Variants in KCNMA1 observed in about 807,000 individuals in gnomAD.
KCNMA1 encodes the protein potassium calcium-activated channel subfamily M alpha 1.
KCNMA1 carries 29 observed loss-of-function variants against 140.0 expected under a neutral mutation model. The observed-to-expected ratio is 0.21, with a 90% CI of 0.15 to 0.28. The LOEUF is 0.28. KCNMA1 is among the 10% of genes least tolerant of loss of function. KCNMA1 has a pLI of 1.00. For synonymous variants in KCNMA1, 612 were observed against 611.9 expected, an observed-to-expected ratio of 1.00 and a Z score of 0.00; for missense variants, 880 against 1,602.2, an observed-to-expected ratio of 0.55 and a Z score of 7.70.
At chr10:77,236,971 T>C (rs112144825) in intron 3 of KCNMA1, among the ~76,000 whole-genome samples, 9 of 152,198 alleles carry the variant, frequency 5.9e-5, no homozygotes, top group African/African-American at 1.9e-4. Flanking sequence ...ATGCTTGTTT[T>C]TCCTTTCACA....
At chr10:77,515,169 C>T (rs1008491866) in intron 1 of KCNMA1, among the ~76,000 whole-genome samples, 1 of 152,052 alleles carries the variant, frequency 6.6e-6, no homozygotes, top group Non-Finnish European at 1.5e-5. Context: ...CAGGAGCCAG[C>T]CTGTTACGGT....
chr10:76,908,113 A>C (rs375848307), intron 25 of KCNMA1, among the ~76,000 whole-genome samples: 10 of 152,334 alleles, frequency 6.6e-5, no homozygotes, highest in East Asian at 5.8e-4. Context: ...CTAAAATAAA[A>C]ATTTCTAATG....
chr10:77,164,532 T>TC, intron 5 of KCNMA1, among the ~76,000 whole-genome samples: 1 of 152,168 alleles, frequency 6.6e-6, no homozygotes, highest in South Asian at 2.1e-4. Flanking sequence ...CTTTTTTTTT[T>TC]TTGGAATCCT....
intron 3 of KCNMA1, among the ~76,000 whole-genome samples, chr10:77,192,030 T>G (rs2098942601): frequency 1.3e-5 from 2 of 152,136 alleles, no homozygotes; most frequent in Non-Finnish European, 2.9e-5. Context: ...CTAACAACTC[T>G]TTAGCATCCA....
chr10:77,193,131 CAT>C (rs1338114675), intron 3 of KCNMA1, among the ~76,000 whole-genome samples: 1 of 152,024 alleles, frequency 6.6e-6, no homozygotes, highest in Non-Finnish European at 1.5e-5. Flanking sequence ...CTGAACCAGT[CAT>C]ATGTCTTGTA....
chr10:76,976,957 G>A (rs1334948626), intron 19 of KCNMA1, among the ~76,000 whole-genome samples: 2 of 152,156 alleles, frequency 1.3e-5, no homozygotes, highest in African/African-American at 2.4e-5. Flanking sequence ...GGGGTTTGGA[G>A]AATGGGAAGG....
intron 2 of KCNMA1, among the ~76,000 whole-genome samples, chr10:77,266,580 G>A (rs1157354876): frequency 6.6e-6 from 1 of 152,184 alleles, no homozygotes; most frequent in East Asian, 1.9e-4. Flanking sequence ...ATAGGTTTAA[G>A]TCTTGTTGTT....
At chr10:77,224,170 TA>T (rs1011018155) in intron 3 of KCNMA1, among the ~76,000 whole-genome samples, 4 of 152,246 alleles carry the variant, frequency 2.6e-5, no homozygotes, top group Non-Finnish European at 4.4e-5. Flanking sequence ...TAATTAGCCT[TA>T]CATGTGTCTG....
chr10:76,871,693 A>G (rs1827655645), exon 28 of KCNMA1: 1 of 152,220 alleles, frequency 6.6e-6, no homozygotes, highest in African/African-American at 2.4e-5. Flanking sequence ...GCCACATGCC[A>G]GATAATCCTG....
chr10:77,187,201 G>C (rs2098873831), intron 3 of KCNMA1, among the ~76,000 whole-genome samples: 1 of 152,136 alleles, frequency 6.6e-6, no homozygotes, highest in Admixed American at 6.6e-5. Context: ...TGGAATAGTT[G>C]GGGGAGAGAT....
chr10:77,325,603 C>T (rs1054611154), intron 2 of KCNMA1, among the ~76,000 whole-genome samples: 5 of 152,208 alleles, frequency 3.3e-5, no homozygotes, highest in Non-Finnish European at 7.3e-5. Flanking sequence ...ATGCATTTCC[C>T]ATGGATGCCC....
intron 1 of KCNMA1, among the ~76,000 whole-genome samples, chr10:77,453,115 T>C (rs2097693986): frequency 6.6e-6 from 1 of 152,136 alleles, no homozygotes; most frequent in Admixed American, 6.5e-5. Flanking sequence ...TCAGGTTAAC[T>C]TCAGTCCCTT....
chr10:77,504,343 T>C (rs1327967946), intron 1 of KCNMA1, among the ~76,000 whole-genome samples: 3 of 152,230 alleles, frequency 2.0e-5, no homozygotes, highest in East Asian at 1.9e-4. Flanking sequence ...GCTCTTCAAG[T>C]GTAACCTTCA....
intron 1 of KCNMA1, among the ~76,000 whole-genome samples, chr10:77,474,384 A>G (rs2098232560): frequency 6.6e-6 from 1 of 152,174 alleles, no homozygotes; most frequent in Non-Finnish European, 1.5e-5. Context: ...TAAGAACAGG[A>G]GATTAGGACA....
rs566609934 is a variant in KCNMA1, at chr10:77,475,753, C to T, written c.379-71730G>A. Among the ~76,000 whole-genome samples the T allele has an allele frequency of 4.6e-5, 7 of 152,250 alleles. No individual in the cohort carries two copies. The South Asian group carries it at 1.0e-3, about 23-fold the overall frequency. Reference sequence around the variant, plus strand: ...GACCTGAGGACTTCCACCCAGAACACGCCATATGCACATTTCACAGATTCA... The same window carrying T: ...GACCTGAGGACTTCCACCCAGAACATGCCATATGCACATTTCACAGATTCA... On this transcript the variant is annotated intron_variant, in intron 1 of 27. Transcript: ENST00000286628.
intron 1 of KCNMA1, among the ~76,000 whole-genome samples, chr10:77,471,251 C>T (rs751374459): frequency 2.0e-5 from 3 of 151,066 alleles, no homozygotes; most frequent in African/African-American, 4.9e-5. Flanking sequence ...ACACTACACA[C>T]ACAACGCACA....
At chr10:77,003,318 T>A (rs1190098428) in intron 18 of KCNMA1, among the ~76,000 whole-genome samples, 6 of 149,976 alleles carry the variant, frequency 4.0e-5, no homozygotes, top group Non-Finnish European at 5.9e-5. Flanking sequence ...CAAAAAAAAA[T>A]AAAAAATAAA....
At chr10:77,317,513 C>T (rs10824525) in intron 2 of KCNMA1, among the ~76,000 whole-genome samples, 39,780 of 152,198 alleles carry the variant, frequency 0.26, 6,567 homozygotes, top group Non-Finnish European at 0.38. Context: ...AATCCACACT[C>T]GCAGAGGGAG....
At chr10:77,603,393 G>A (rs1435168184) in intron 1 of KCNMA1, among the ~76,000 whole-genome samples, 1 of 152,120 alleles carries the variant, frequency 6.6e-6, no homozygotes, top group East Asian at 1.9e-4. Flanking sequence ...TGGATCATGA[G>A]GCTGAGATAG....
Sources: gnomAD v4.1 joint callset for allele counts (sites outside exome capture counted in the v4.1 genomes callset) on GRCh38, gnomAD v4.1.1 for gene constraint, MANE v1.5 for transcripts, NCBI Gene and HGNC (gene_info 2026-07-23, HGNC 2026-07-21) for gene names.